Variants in PRKN observed in about 807,000 individuals in gnomAD.
The protein encoded by PRKN is parkin RBR E3 ubiquitin protein ligase.
A neutral mutation model predicts 59.5 loss-of-function variants in PRKN; 56 were observed. The observed-to-expected ratio is 0.94, with a 90% CI of 0.76 to 1.18. PRKN has a LOEUF of 1.18. Among genes scored for constraint, PRKN ranks in the 50% most tolerant of loss-of-function variants. The pLI is 0.00. For synonymous variants in PRKN, 250 were observed against 222.1 expected (o/e 1.13, Z -1.12); for missense variants, 657 against 596.4 (o/e 1.10, Z -1.06).
intron 6 of PRKN, among the ~76,000 whole-genome samples, chr6:161,941,645 A>G (rs1324241021): frequency 6.6e-6 from 1 of 152,212 alleles, no homozygotes; most frequent in African/African-American, 2.4e-5. Flanking sequence ...AGCACCCTGT[A>G]ACACATGCCC....
chr6:162,061,691 T>A (rs1212842131), intron 4 of PRKN, among the ~76,000 whole-genome samples: 6 of 152,130 alleles, frequency 3.9e-5, no homozygotes, highest in African/African-American at 1.4e-4. Flanking sequence ...ATAAATGCAA[T>A]CATTAAATAG....
At chr6:162,716,205 T>G (rs1024728989) in intron 1 of PRKN, among the ~76,000 whole-genome samples, 1 of 152,262 alleles carries the variant, frequency 6.6e-6, no homozygotes, top group African/African-American at 2.4e-5. Context: ...TTAAAAAATT[T>G]ATTCCATATT....
rs1260105566 is a variant in PRKN, at chr6:161,484,597, C to T, written c.1083+64257G>A. 6.6e-6 allele frequency among the ~76,000 whole-genome samples: 1 copy of T among 152,080 alleles called. No homozygotes were observed. Among genetic ancestry groups the T allele is most frequent in the Non-Finnish European group, 1.5e-5 (1 of 68,030 alleles). On this transcript the variant is annotated intron_variant, in intron 9 of 11. Coordinates refer to ENST00000366898, the MANE Select transcript of PRKN (RefSeq NM_004562.3). This position sits in a 1 kb window ranked among gnomAD's most constrained non-coding sequence, Gnocchi z 4.9. Reference sequence around the variant, plus strand: ...TCCCAAAGCAAGCTGTGGGTACGGACGGCATCAGAACTAAACGCAGGGAGT... The same window carrying T: ...TCCCAAAGCAAGCTGTGGGTACGGATGGCATCAGAACTAAACGCAGGGAGT...
intron 5 of PRKN, among the ~76,000 whole-genome samples, chr6:161,991,256 T>C (rs1041886507): frequency 6.6e-6 from 1 of 152,112 alleles, no homozygotes; most frequent in African/African-American, 2.4e-5. Context: ...ATTCTACATC[T>C]GGAAGGAAAA....
At chr6:161,720,897 T>G (rs999803018) in intron 7 of PRKN, among the ~76,000 whole-genome samples, 21 of 152,196 alleles carry the variant, frequency 1.4e-4, no homozygotes, top group African/African-American at 2.4e-4. Context: ...AAAGAGAGAT[T>G]AAGTGAACCT....
intron 9 of PRKN, among the ~76,000 whole-genome samples, chr6:161,431,935 C>A (rs1440912136): frequency 6.6e-6 from 1 of 152,142 alleles, no homozygotes; most frequent in Non-Finnish European, 1.5e-5. Flanking sequence ...CTATCTATAG[C>A]TATATCTACG....
intron 4 of PRKN, among the ~76,000 whole-genome samples, chr6:162,199,216 TAA>T (rs34978700): frequency 7.3e-4 from 107 of 145,734 alleles, no homozygotes; most frequent in Middle Eastern, 3.5e-3. Context: ...ATCTGTGTGT[TAA>T]AAAAAAAAAA....
chr6:162,532,423 T>C (rs956183337), intron 1 of PRKN, among the ~76,000 whole-genome samples: 4 of 152,238 alleles, frequency 2.6e-5, no homozygotes, highest in African/African-American at 9.6e-5. Flanking sequence ...CTTGGTTTTA[T>C]CTTTGCTTCA....
intron 2 of PRKN, among the ~76,000 whole-genome samples, chr6:162,394,032 T>A (rs1787352064): frequency 6.6e-6 from 1 of 152,196 alleles, no homozygotes; most frequent in South Asian, 2.1e-4. Flanking sequence ...TTATATATTT[T>A]CAAAAGTATC....
chr6:162,404,512 A>G lies in PRKN; in HGVS notation c.171+38798T>C, dbSNP rs868521693. 3.9e-5 allele frequency among the ~76,000 whole-genome samples: 6 copies of G among 152,266 alleles called. 1 individual carries two copies. Among genetic ancestry groups the G allele is most frequent in the Admixed American group, 1.3e-4 (2 of 15,296 alleles). ...GAGCATGTCCTTTAGGATTCCAAAT[A>G]GTACACTCATATTTTGAAATTTGGC... On this transcript the variant is annotated intron_variant, in intron 2 of 11. Transcript: ENST00000366898.
intron 2 of PRKN, among the ~76,000 whole-genome samples, chr6:162,329,484 C>G (rs1783476456): frequency 6.6e-6 from 1 of 152,116 alleles, no homozygotes; most frequent in Admixed American, 6.6e-5. Flanking sequence ...ACTCCGTAAG[C>G]AAGTTCCTAC....
chr6:162,235,976 A>AGAAG (rs1491108202), intron 3 of PRKN, among the ~76,000 whole-genome samples: 13 of 112,114 alleles, frequency 1.2e-4, no homozygotes, highest in African/African-American at 5.9e-4. Flanking sequence ...AAAGAAAGAA[A>AGAAG]GAAAGAAAGA....
chr6:162,698,405 G>C (rs1172813810), intron 1 of PRKN, among the ~76,000 whole-genome samples: 2 of 152,028 alleles, frequency 1.3e-5, no homozygotes, highest in African/African-American at 2.4e-5. Context: ...GGGACAGTCA[G>C]GCTGGTTTGC....
At chr6:162,451,718 A>G (rs138110313) in intron 1 of PRKN, among the ~76,000 whole-genome samples, 2 of 152,340 alleles carry the variant, frequency 1.3e-5, no homozygotes, top group African/African-American at 4.8e-5. Flanking sequence ...TTGTTTTTAA[A>G]TGAATAGATG....
Position 161,584,538 on chromosome 6 carries a change from C to T in PRKN, c.872-15122G>A, listed in dbSNP as rs1277095821. Among the ~76,000 whole-genome samples, 1 of 152,098 alleles carries T rather than the reference C, an allele frequency of 6.6e-6. No homozygotes were observed. The highest frequency in any genetic ancestry group is 6.6e-5 in the Admixed American group (1 of 15,266). On this transcript the variant is annotated intron_variant, in intron 7 of 11. Coordinates refer to ENST00000366898, the MANE Select transcript of PRKN (RefSeq NM_004562.3). The surrounding 1 kb of genome is among the most constrained non-coding windows in gnomAD (Gnocchi z 4.8). Reference sequence around the variant, plus strand: ...TAGAAGAAAATCTTTTAACATATCCCCCTTACACTTGCCATCCAAAGGTAA... The same window carrying T: ...TAGAAGAAAATCTTTTAACATATCCTCCTTACACTTGCCATCCAAAGGTAA...
intron 6 of PRKN, among the ~76,000 whole-genome samples, chr6:161,887,889 C>T (rs1795213797): frequency 6.6e-6 from 1 of 152,098 alleles, no homozygotes; most frequent in East Asian, 1.9e-4. Flanking sequence ...GGAGCAAACA[C>T]TTTGAAGACA....
rs1782704352 is a variant in PRKN at position 162,011,467 on chromosome 6, TA to T, written c.619-38051del. On this transcript the variant is annotated intron_variant, in intron 5 of 11. Coordinates refer to ENST00000366898, the MANE Select transcript of PRKN (RefSeq NM_004562.3). Reference sequence around the variant, plus strand: ...TTTATAATATATAATATATATATTATAATATATAATATATTATAATATATAT... The same window carrying T: ...TTTATAATATATAATATATATATTATATATATAATATATTATAATATATAT... 2.1e-4 allele frequency among the ~76,000 whole-genome samples: 3 copies of T among 14,528 alleles called. No homozygotes were observed. The South Asian group carries it at 3.8e-3, about 19-fold the overall frequency. 9.5% of individuals were successfully genotyped at this position (14,528 alleles called of 152,430 possible).
chr6:161,723,546 T>C (rs1162778626), intron 7 of PRKN, among the ~76,000 whole-genome samples: 1 of 152,030 alleles, frequency 6.6e-6, no homozygotes, highest in African/African-American at 2.4e-5. Flanking sequence ...AAATGACCTA[T>C]GCAGGGTCCA....
At chr6:162,608,304 A>C (rs1782003563) in intron 1 of PRKN, among the ~76,000 whole-genome samples, 1 of 152,210 alleles carries the variant, frequency 6.6e-6, no homozygotes, top group Non-Finnish European at 1.5e-5. Flanking sequence ...TGAAAGCGTA[A>C]GCTGGAGTAT....
Sources: gnomAD v4.1 joint callset for allele counts (sites outside exome capture counted in the v4.1 genomes callset) on GRCh38, gnomAD v4.1.1 for gene constraint, Gnocchi (gnomAD v3.1) non-coding constraint, MANE v1.5 for transcripts, NCBI Gene and HGNC (gene_info 2026-07-23, HGNC 2026-07-21) for gene names.